Variants in ABLIM1 observed in about 807,000 individuals in gnomAD.
The protein encoded by ABLIM1 is actin binding LIM protein 1, also known as actin-binding LIM protein 1.
In ABLIM1, 40 loss-of-function variants were observed where a neutral mutation model predicts 107.0. That is an observed-to-expected ratio of 0.37 (90% CI 0.29 to 0.49). ABLIM1 has a LOEUF of 0.49. Among genes scored for constraint, ABLIM1 ranks in the 20% least tolerant of loss-of-function variants. The probability of loss-of-function intolerance (pLI) is 0.97; values close to 1 mark genes in which losing one functional copy is unlikely to be tolerated. For missense variants in ABLIM1, 857 were observed against 1,008.5 expected, an observed-to-expected ratio of 0.85 and a Z score of 2.04; for synonymous variants, 357 against 357.3, an observed-to-expected ratio of 1.00 and a Z score of 0.01.
intron 1 of ABLIM1, chr10:114,632,604 G>C (rs2078260174): frequency 1.0e-6 from 1 of 985,268 alleles, no homozygotes; most frequent in East Asian, 1.1e-4. Flanking sequence ...TTACCTGAAT[G>C]GGGCTGGGGG....
intron 1 of ABLIM1, among the ~76,000 whole-genome samples, chr10:114,621,278 A>G (rs887713366): frequency 9.2e-5 from 14 of 152,310 alleles, no homozygotes; most frequent in Admixed American, 9.2e-4. Flanking sequence ...TTCACATTGT[A>G]TCATAATGAC....
At chr10:114,773,393 C>T in the ABLIM1 span, among the ~76,000 whole-genome samples, 2 of 152,132 alleles carry the variant, frequency 1.3e-5, no homozygotes, top group Admixed American at 6.5e-5. Context: ...CATGAGACAA[C>T]AGAATTCTGA....
intron 1 of ABLIM1, among the ~76,000 whole-genome samples, chr10:114,654,894 A>C (rs1292212392): frequency 1.3e-5 from 2 of 152,200 alleles, no homozygotes; most frequent in African/African-American, 4.8e-5. Context: ...AGCTGGCTCC[A>C]TTCTAGGGGA....
In ABLIM1 at chr10:114,482,495, T is replaced by C. The variant is rs191934485; in HGVS notation, c.1041+5463A>G. Among the ~76,000 whole-genome samples the C allele has an allele frequency of 2.0e-5, 3 of 152,160 alleles. No individual in the cohort carries two copies. In the East Asian group the frequency reaches 5.8e-4, roughly 29 times the overall value. On this transcript the variant is annotated intron_variant, in intron 8 of 22. Coordinates refer to ENST00000533213, the MANE Select transcript of ABLIM1 (RefSeq NM_002313.7). Reference sequence around the variant, plus strand: ...AAATGAGCTGCTGTGTAGCCAAAAGTACTTAAAAGATAACATATCTGTGAC... The same window carrying C: ...AAATGAGCTGCTGTGTAGCCAAAAGCACTTAAAAGATAACATATCTGTGAC...
chr10:114,568,840 A>T (rs2071207014), intron 4 of ABLIM1, among the ~76,000 whole-genome samples: 2 of 152,246 alleles, frequency 1.3e-5, no homozygotes, highest in South Asian at 4.1e-4. Flanking sequence ...TTTGAGTTAG[A>T]TTATATTTTT....
At chr10:114,798,361 T>C in the ABLIM1 span, among the ~76,000 whole-genome samples, 1 of 151,660 alleles carries the variant, frequency 6.6e-6, no homozygotes, top group South Asian at 2.1e-4. Flanking sequence ...GAGGCAGAGG[T>C]TGCAGTGAGC....
chr10:114,483,859 G>A (rs1045687288), intron 8 of ABLIM1, among the ~76,000 whole-genome samples: 5 of 152,160 alleles, frequency 3.3e-5, no homozygotes, highest in East Asian at 1.9e-4. Context: ...GTAGAAAGTC[G>A]CTTCTAGTTT....
At chr10:114,727,567 AG>A (rs1290886793) in intron 1 of ABLIM1, among the ~76,000 whole-genome samples, 18 of 152,268 alleles carry the variant, frequency 1.2e-4, no homozygotes, top group Non-Finnish European at 5.9e-5. Context: ...AATACAGAAT[AG>A]CTTTAATGAA....
intron 6 of ABLIM1, among the ~76,000 whole-genome samples, chr10:114,496,346 G>C (rs902631736): frequency 6.6e-6 from 1 of 152,224 alleles, no homozygotes; most frequent in African/African-American, 2.4e-5. Context: ...CATGTCCTTT[G>C]CAGGGACATG....
At chr10:114,563,396 C>A (rs1483232431) in intron 4 of ABLIM1, among the ~76,000 whole-genome samples, 4 of 152,114 alleles carry the variant, frequency 2.6e-5, no homozygotes, top group Admixed American at 2.6e-4. Context: ...AGACAGACAA[C>A]AGAGTTGTCT....
At chr10:114,722,129 T>A (rs76853214) in intron 1 of ABLIM1, among the ~76,000 whole-genome samples, 4 of 152,122 alleles carry the variant, frequency 2.6e-5, no homozygotes, top group Non-Finnish European at 5.9e-5. Flanking sequence ...TGATATAGTT[T>A]ATAAGGAAAG....
intron 1 of ABLIM1, among the ~76,000 whole-genome samples, chr10:114,692,412 C>T (rs934627708): frequency 1.3e-5 from 2 of 152,240 alleles, no homozygotes; most frequent in African/African-American, 2.4e-5. Flanking sequence ...GGCTAGTCTG[C>T]TCAATACACA....
In ABLIM1 at chr10:114,432,787, C is replaced by CA. The variant is rs2058991046; in HGVS notation, c.*3472_*3473insT. 1.3e-5 allele frequency: 2 copies of CA among 151,966 alleles called. No individual in the cohort carries two copies. The highest frequency in any genetic ancestry group is 2.9e-5 in the Non-Finnish European group (2 of 67,996). The allele number at this position is 151,966 out of a possible 1,614,324, so 9.4% of individuals were successfully genotyped here. A position where few individuals can be genotyped will look rare whatever the true frequency, so the allele number is the denominator to read the frequency against. ...AGAGCCCATGACAGATAGAAAACTA[C>CA]CCCCATTTAAAAAAAAACAACAACT... On this transcript the variant is annotated 3_prime_UTR_variant, in exon 23 of 23. Transcript: ENST00000533213.
chr10:114,773,999 C>A, the ABLIM1 span, among the ~76,000 whole-genome samples: 1 of 151,282 alleles, frequency 6.6e-6, no homozygotes, highest in Non-Finnish European at 1.5e-5. Context: ...AAATGAAGAA[C>A]TAGGATAAAA....
At chr10:114,690,108 A>G in intron 1 of ABLIM1, 2 of 1,142,500 alleles carry the variant, frequency 1.8e-6, no homozygotes, top group South Asian at 2.7e-5. Context: ...TACAAAAGGA[A>G]GGGTCTGGTG....
intron 6 of ABLIM1, among the ~76,000 whole-genome samples, chr10:114,519,264 T>G (rs11196775): frequency 0.4 from 60,386 of 151,930 alleles, 12,539 homozygotes; most frequent in South Asian, 0.47. Context: ...CTCTCAGAGG[T>G]TTAGACTAGA....
intron 1 of ABLIM1, among the ~76,000 whole-genome samples, chr10:114,641,114 G>T (rs2078726623): frequency 6.6e-6 from 1 of 151,946 alleles, no homozygotes; most frequent in South Asian, 2.1e-4. Context: ...GCACTTGAAG[G>T]TATAAGGAGA....
At chr10:114,458,278 C>T (rs1310821501) in intron 12 of ABLIM1, among the ~76,000 whole-genome samples, 2 of 151,936 alleles carry the variant, frequency 1.3e-5, no homozygotes, top group Admixed American at 6.6e-5. Context: ...ATTTCTTGGC[C>T]TTCATTTTTA....
chr10:114,767,215 G>A (rs1225632089), intron 1 of ABLIM1, among the ~76,000 whole-genome samples: 4 of 152,080 alleles, frequency 2.6e-5, no homozygotes, highest in East Asian at 3.8e-4. Flanking sequence ...AAACAACTCC[G>A]CAACTCCTCT....
Sources: gnomAD v4.1 joint callset for allele counts (sites outside exome capture counted in the v4.1 genomes callset) on GRCh38, gnomAD v4.1.1 for gene constraint, MANE v1.5 for transcripts, NCBI Gene and HGNC (gene_info 2026-07-23, HGNC 2026-07-21) for gene names.